LYZL4: variants seen among roughly 807,000 people sequenced by gnomAD.
LYZL4 encodes the protein lysozyme like 4.
A neutral mutation model predicts 17.6 loss-of-function variants in LYZL4; 13 were observed. The ratio of observed to expected loss-of-function variants is 0.74; its 90% CI spans 0.48 to 1.18. The LOEUF (loss-of-function observed/expected upper bound fraction) is 1.18. Ranked by LOEUF, LYZL4 falls within the 50% of genes most tolerant of loss-of-function variation. The probability of loss-of-function intolerance (pLI) is 0.00; values close to 1 mark genes in which losing one functional copy is unlikely to be tolerated. For synonymous variants in LYZL4, 64 were observed against 67.7 expected (o/e 0.95, Z 0.27); for missense variants, 174 against 188.2 (o/e 0.92, Z 0.44).
the LYZL4 span, among the ~76,000 whole-genome samples, chr3:42,384,777 G>T: frequency 6.6e-6 from 1 of 152,090 alleles, no homozygotes; most frequent in African/African-American, 2.4e-5. Context: ...ATACTGGAAG[G>T]ATGGGGTGTG....
At chr3:42,378,723 A>G in the LYZL4 span, among the ~76,000 whole-genome samples, 81 of 152,260 alleles carry the variant, frequency 5.3e-4, no homozygotes, top group African/African-American at 1.8e-3. Flanking sequence ...ACTCATCTCT[A>G]TATTAGTAAG....
the LYZL4 span, among the ~76,000 whole-genome samples, chr3:42,375,294 C>A: frequency 0.81 from 123,897 of 152,152 alleles, 51,042 homozygotes; most frequent in Middle Eastern, 0.86. Context: ...TCGATCTAAC[C>A]GTTGTTATTG....
chr3:42,402,092 T>C (rs1698663785), intron 4 of LYZL4, among the ~76,000 whole-genome samples: 1 of 149,578 alleles, frequency 6.7e-6, no homozygotes, highest in African/African-American at 2.5e-5. Flanking sequence ...TTAGACTACA[T>C]TGTGACTAAG....
At chr3:42,381,010 A>C in the LYZL4 span, among the ~76,000 whole-genome samples, 1 of 152,230 alleles carries the variant, frequency 6.6e-6, no homozygotes. Context: ...AGTGCTTCTG[A>C]GGGTAGCTCA....
chr3:42,379,728 C>A, the LYZL4 span, among the ~76,000 whole-genome samples: 2 of 152,178 alleles, frequency 1.3e-5, no homozygotes, highest in Non-Finnish European at 2.9e-5. Context: ...CTCAAAAAGA[C>A]AATCAGATTG....
the LYZL4 span, among the ~76,000 whole-genome samples, chr3:42,367,145 C>T: frequency 4.6e-5 from 7 of 152,114 alleles, no homozygotes; most frequent in Non-Finnish European, 7.3e-5. Context: ...GCTGAAGCAC[C>T]GGTTGCCTCG....
At chr3:42,374,960 C>T in the LYZL4 span, among the ~76,000 whole-genome samples, 2 of 152,076 alleles carry the variant, frequency 1.3e-5, no homozygotes, top group Admixed American at 6.6e-5. Flanking sequence ...AAGGGGTGCA[C>T]CACCATACCT....
chr3:42,361,570 T>A, the LYZL4 span, among the ~76,000 whole-genome samples: 18,394 of 114,806 alleles, frequency 0.16, 1,389 homozygotes, highest in Admixed American at 0.27. Flanking sequence ...CTTAAAAAAA[T>A]TTTTTTTTTT....
the LYZL4 span, among the ~76,000 whole-genome samples, chr3:42,369,556 A>G: frequency 2.6e-5 from 4 of 152,310 alleles, no homozygotes; most frequent in East Asian, 7.7e-4. Flanking sequence ...AGAGCAGCCA[A>G]AGGTGCAGCG....
intron 4 of LYZL4, among the ~76,000 whole-genome samples, chr3:42,403,808 T>C (rs1456417044): frequency 1.3e-5 from 2 of 152,206 alleles, no homozygotes; most frequent in African/African-American, 4.8e-5. Context: ...CCTAGCTTTC[T>C]ATATAACCCT....
chr3:42,371,167 C>T, the LYZL4 span, among the ~76,000 whole-genome samples: 1 of 152,180 alleles, frequency 6.6e-6, no homozygotes, highest in African/African-American at 2.4e-5. Flanking sequence ...ATGCACTTGC[C>T]CTAGTTGTCC....
rs1046875916 is a variant in LYZL4, at chr3:42,401,439, C to T, written c.371+2607G>A. 2.6e-5 allele frequency among the ~76,000 whole-genome samples: 4 copies of T among 152,204 alleles called. No individual in the cohort carries two copies. In the South Asian group the frequency reaches 6.2e-4, roughly 24 times the overall value. Reference sequence around the variant, plus strand: ...CCATGTTGGCTAGGCTGGTCTTGAACTCCTGACCTCAGGTGATGCACCCAC... The same window carrying T: ...CCATGTTGGCTAGGCTGGTCTTGAATTCCTGACCTCAGGTGATGCACCCAC... On this transcript the variant is annotated intron_variant, in intron 4 of 4. Coordinates refer to ENST00000287748, the MANE Select transcript of LYZL4 (RefSeq NM_144634.4).
the LYZL4 span, among the ~76,000 whole-genome samples, chr3:42,367,960 C>A: frequency 2.0e-5 from 3 of 152,138 alleles, no homozygotes; most frequent in Admixed American, 2.0e-4. Flanking sequence ...GAGTGGAGCA[C>A]CCAGCATTTC....
intron 3 of LYZL4, among the ~76,000 whole-genome samples, chr3:42,405,763 T>C (rs1280279707): frequency 6.6e-6 from 1 of 152,080 alleles, no homozygotes; most frequent in East Asian, 1.9e-4. Context: ...TAGGTTTCCC[T>C]CCCAGCTCTA....
At chr3:42,387,762 A>T in the LYZL4 span, among the ~76,000 whole-genome samples, 2 of 152,216 alleles carry the variant, frequency 1.3e-5, no homozygotes, top group South Asian at 4.1e-4. Context: ...AGCAACATGG[A>T]TCATCTGCCT....
chr3:42,402,501 C>T (rs1698675713), intron 4 of LYZL4, among the ~76,000 whole-genome samples: 1 of 152,126 alleles, frequency 6.6e-6, no homozygotes, highest in South Asian at 2.1e-4. Context: ...TGAAGAGGCA[C>T]TTCACCAAAG....
Position 42,407,239 on chromosome 3 carries a change from C to T in LYZL4, c.13G>A (p.Val5Met), listed in dbSNP as rs757762470. The change falls in exon 2 of 5, where the codon GTG (valine) becomes ATG (methionine). Residue 5 changes from valine to methionine, a missense_variant. Coordinates refer to ENST00000287748, the MANE Select transcript of LYZL4 (RefSeq NM_144634.4). MKAS[V>M]VLSLLGYLVV... ...AGGTAGCCAAGGAGGGAGAGAACCACGGATGCCTTCATCTTCTCCAGGCTC... is the reference window on the plus strand; with the variant it reads ...AGGTAGCCAAGGAGGGAGAGAACCATGGATGCCTTCATCTTCTCCAGGCTC... 12 of 1,614,032 alleles carry T rather than the reference C, an allele frequency of 7.4e-6. No individual in the cohort carries two copies. Among genetic ancestry groups the T allele is most frequent in the Middle Eastern group, 1.6e-4 (1 of 6,072 alleles).
At chr3:42,371,713 CAG>C in the LYZL4 span, among the ~76,000 whole-genome samples, 1 of 152,162 alleles carries the variant, frequency 6.6e-6, no homozygotes, top group South Asian at 2.1e-4. Context: ...CTTGCAGGCT[CAG>C]TACATATAAT....
intron 3 of LYZL4, among the ~76,000 whole-genome samples, chr3:42,405,197 T>C (rs570037896): frequency 5.3e-5 from 8 of 152,244 alleles, no homozygotes; most frequent in South Asian, 2.1e-4. Flanking sequence ...TATAGGCGCC[T>C]GCCACCACGC....
Sources: allele counts gnomAD v4.1 joint callset (sites outside exome capture counted in the v4.1 genomes callset), GRCh38; gene constraint gnomAD v4.1.1; transcripts MANE v1.5; gene names NCBI Gene and HGNC (gene_info 2026-07-23, HGNC 2026-07-21).